SYNE1: variants seen among roughly 807,000 people sequenced by gnomAD.
SYNE1 encodes the protein spectrin repeat containing nuclear envelope protein 1.
In SYNE1, 616 loss-of-function variants were observed where a neutral mutation model predicts 1,111.0. The observed-to-expected ratio is 0.55, with a 90% CI of 0.52 to 0.59. The LOEUF is 0.59. Ranked by LOEUF, SYNE1 falls within the 20% of genes least tolerant of loss-of-function variation. The pLI is 0.00. For missense variants in SYNE1, 10,006 were observed against 10,417.0 expected (o/e 0.96, Z 1.72); for synonymous variants, 3,855 against 3,825.8 (o/e 1.01, Z -0.28).
intron 91 of SYNE1, among the ~76,000 whole-genome samples, chr6:152,304,668 T>A (rs1029024655): frequency 6.6e-6 from 1 of 152,164 alleles, no homozygotes; most frequent in Non-Finnish European, 1.5e-5. Flanking sequence ...TATTAGGCCT[T>A]CCACCCTTTG....
At chr6:152,577,575 G>T (rs535436069) in intron 3 of SYNE1, among the ~76,000 whole-genome samples, 34 of 152,288 alleles carry the variant, frequency 2.2e-4, no homozygotes, top group Admixed American at 2.2e-3. Context: ...GGAGCTTGCA[G>T]TGAGCCGAGA....
At chr6:152,302,247 C>T in intron 91 of SYNE1, 184 bp from the exon 92 acceptor site, 2 of 794,978 alleles carry the variant, frequency 2.5e-6, no homozygotes, top group Non-Finnish European at 4.1e-6. Context: ...GGCTGCGCGG[C>T]GCGGCGCAGG....
chr6:152,403,727 A>G (rs919060706), intron 46 of SYNE1, among the ~76,000 whole-genome samples: 31 of 152,222 alleles, frequency 2.0e-4, no homozygotes, highest in African/African-American at 7.0e-4. Context: ...GTCTCAATAA[A>G]CAAACAAACA....
intron 4 of SYNE1, among the ~76,000 whole-genome samples, chr6:152,535,326 T>A (rs945835788): frequency 6.6e-6 from 1 of 152,212 alleles, no homozygotes; most frequent in Non-Finnish European, 1.5e-5. Context: ...ACCTAAATAA[T>A]GTTTTATAAA....
intron 3 of SYNE1, among the ~76,000 whole-genome samples, chr6:152,596,043 T>G (rs969249637): frequency 4.1e-5 from 6 of 147,284 alleles, no homozygotes; most frequent in African/African-American, 1.5e-4. Context: ...ACATATTTCT[T>G]TCTGATTCCT....
intron 59 of SYNE1, among the ~76,000 whole-genome samples, chr6:152,370,612 G>C (rs925788616): frequency 7.9e-5 from 12 of 152,308 alleles, no homozygotes; most frequent in Non-Finnish European, 1.0e-4. Flanking sequence ...TTTAGCAAAG[G>C]TGTCTGCATC....
chr6:152,250,148 T>C (rs2088700293), intron 104 of SYNE1, among the ~76,000 whole-genome samples: 1 of 151,880 alleles, frequency 6.6e-6, no homozygotes, highest in Non-Finnish European at 1.5e-5. Context: ...CCTGTAGTCC[T>C]ATCTACTTGG....
intron 63 of SYNE1, among the ~76,000 whole-genome samples, chr6:152,364,128 G>A (rs549703086): frequency 8.5e-5 from 13 of 152,188 alleles, no homozygotes; most frequent in Middle Eastern, 6.8e-3. Flanking sequence ...ATTTTATAAG[G>A]GGCTTTTCCC....
At chr6:152,507,077 G>A (rs1245805997) in intron 8 of SYNE1, among the ~76,000 whole-genome samples, 1 of 152,094 alleles carries the variant, frequency 6.6e-6, no homozygotes, top group East Asian at 1.9e-4. Flanking sequence ...CTTGTCTCTG[G>A]TAGTACAGAT....
chr6:152,493,407 G>A (rs181387244), intron 11 of SYNE1, among the ~76,000 whole-genome samples: 28 of 151,842 alleles, frequency 1.8e-4, no homozygotes, highest in African/African-American at 5.8e-4. Flanking sequence ...GCCTCTCTTC[G>A]CTTTCATTTG....
At chr6:152,225,970 A>T in intron 115 of SYNE1, 94 bp from the exon 116 acceptor site, 1 of 1,236,302 alleles carries the variant, frequency 8.1e-7, no homozygotes, top group South Asian at 1.3e-5. Context: ...TGTCCTAAAA[A>T]CCTTTTACTA....
intron 3 of SYNE1, among the ~76,000 whole-genome samples, chr6:152,552,235 G>C (rs990125363): frequency 2.6e-5 from 4 of 152,228 alleles, no homozygotes; most frequent in Non-Finnish European, 4.4e-5. Context: ...AAACATGACT[G>C]TTCTCAGAGA....
At chr6:152,490,346 C>G (rs902975781) in intron 11 of SYNE1, among the ~76,000 whole-genome samples, 7 of 152,080 alleles carry the variant, frequency 4.6e-5, no homozygotes, top group African/African-American at 1.4e-4. Flanking sequence ...CCTTGTCAGG[C>G]CTCTGAGCCC....
intron 137 of SYNE1, chr6:152,145,956 T>G (rs2747664): frequency 2.9e-5 from 8 of 271,984 alleles, no homozygotes; most frequent in Non-Finnish European, 4.9e-5. Flanking sequence ...ACCCGGGAGG[T>G]GGAGGTTGCA....
In SYNE1 at chr6:152,501,662, C is replaced by T. The variant is rs190705985; in HGVS notation, c.888+971G>A. ...AGGCAGGAGAATTGTTTGAACCCGG[C>T]TGGCAGAGGTTGCAGTGAGCCAAGA... is the stretch of plus-strand genomic sequence containing the variant. On this transcript the variant is annotated intron_variant, in intron 10 of 145. Coordinates refer to ENST00000367255, the MANE Select transcript of SYNE1 (RefSeq NM_182961.4). Among the ~76,000 whole-genome samples the T allele has an allele frequency of 3.5e-3, 528 of 151,628 alleles. 3 individuals carry two copies. Among genetic ancestry groups the T allele is most frequent in the African/African-American group, 0.012 (485 of 41,278 alleles).
intron 3 of SYNE1, among the ~76,000 whole-genome samples, chr6:152,590,237 A>G (rs1297218740): frequency 2.0e-5 from 3 of 151,764 alleles, no homozygotes; most frequent in Non-Finnish European, 2.9e-5. Context: ...GCTAAAAAAA[A>G]TTATGTCTTA....
At chr6:152,188,933 G>A (rs189754144) in intron 128 of SYNE1, among the ~76,000 whole-genome samples, 426 of 113,408 alleles carry the variant, frequency 3.8e-3, no homozygotes, top group African/African-American at 0.014. Flanking sequence ...ACTCCAGCCT[G>A]GGCAAAAGAG....
chr6:152,182,266 T>C (rs1202745236), intron 128 of SYNE1, among the ~76,000 whole-genome samples: 1 of 152,194 alleles, frequency 6.6e-6, no homozygotes, highest in Non-Finnish European at 1.5e-5. Flanking sequence ...CTAAGGAATG[T>C]TTCTAGTTGA....
In SYNE1 at chr6:152,427,731, C is replaced by T; in HGVS notation, c.5062G>A (p.Asp1688Asn). The T allele has an allele frequency of 5.0e-6, 8 of 1,614,174 alleles. No homozygotes were observed. The highest frequency in any genetic ancestry group is 5.9e-6 in the Non-Finnish European group (7 of 1,180,036). ...ASSPEMDISA[D>N]RVKVEGELQL... ...AGTTCACCTTCCACTTTGACTCTGTCTGCAGAAATGTCCATTTCTGGGGAA... is the reference window on the plus strand; with the variant it reads ...AGTTCACCTTCCACTTTGACTCTGTTTGCAGAAATGTCCATTTCTGGGGAA... The change falls in exon 38 of 146, where the codon GAC becomes AAC. Residue 1688 changes from aspartate (D) to asparagine (N), a missense_variant. Transcript: ENST00000367255.
Sources: gnomAD v4.1 joint callset for allele counts (sites outside exome capture counted in the v4.1 genomes callset) on GRCh38, gnomAD v4.1.1 for gene constraint, MANE v1.5 for transcripts, NCBI Gene and HGNC (gene_info 2026-07-23, HGNC 2026-07-21) for gene names.